SENP6: variants seen among roughly 807,000 people sequenced by gnomAD.
The protein encoded by SENP6 is sentrin-specific protease 6.
Under a neutral mutation model 134.5 loss-of-function variants are expected in SENP6, and 41 were observed. The observed-to-expected ratio is 0.30, with a 90% confidence interval of 0.24 to 0.40. SENP6 has a LOEUF of 0.40. SENP6 is among the 10% of genes least tolerant of loss of function. The pLI, the probability that SENP6 is intolerant of heterozygous loss-of-function variation, is 1.00. For missense variants in SENP6, 1,248 were observed against 1,312.5 expected (o/e 0.95, Z 0.76); for synonymous variants, 395 against 429.8 (o/e 0.92, Z 1.00).
rs1554158087 is a variant in SENP6 at position 75,617,251 on chromosome 6, ATTTC to A, written c.53-4269_53-4266del. ...AGAAGTTTCAATGATGGTTTGGAGA[ATTTC>A]TTTCTTTCTTTTTTTTTTTTTTTTT... On this transcript the variant is annotated intron_variant, in intron 1 of 23. Coordinates refer to ENST00000447266, the MANE Select transcript of SENP6 (RefSeq NM_015571.4). 3.2e-4 allele frequency among the ~76,000 whole-genome samples: 41 copies of A among 127,840 alleles called. 1 individual carries two copies. In the South Asian group the frequency reaches 9.6e-3, roughly 30 times the overall value. The allele number at this position is 127,840 out of a possible 152,430, so 83.9% of individuals were successfully genotyped here.
intron 1 of SENP6, among the ~76,000 whole-genome samples, chr6:75,603,455 GTC>G (rs1045900251): frequency 3.3e-5 from 5 of 152,128 alleles, no homozygotes; most frequent in African/African-American, 9.7e-5. Flanking sequence ...AGCAAAATGA[GTC>G]TCTGCTGCTC....
In SENP6 at chr6:75,647,612, T is replaced by C. The variant is rs910895131; in HGVS notation, c.480-119T>C. 6.2e-5 allele frequency: 33 copies of C among 530,120 alleles called. No individual in the cohort carries two copies. The East Asian group carries it at 1.0e-3, about 17-fold the overall frequency. 32.8% of individuals were successfully genotyped at this position (530,120 alleles called of 1,614,324 possible). On this transcript the variant is annotated intron_variant, in intron 6 of 23. Coordinates refer to ENST00000447266, the MANE Select transcript of SENP6 (RefSeq NM_015571.4). ...TTTGTTATTTTATAGTATCACTTTTTATATGGCAAAGAAGCTATGATTTGC... is the reference window on the plus strand; with the variant it reads ...TTTGTTATTTTATAGTATCACTTTTCATATGGCAAAGAAGCTATGATTTGC...
At chr6:75,615,294 G>A (rs971907780) in intron 1 of SENP6, among the ~76,000 whole-genome samples, 18 of 151,950 alleles carry the variant, frequency 1.2e-4, no homozygotes, top group Admixed American at 1.3e-4. Flanking sequence ...ATTCTCCTGT[G>A]TCAGCCTCCC....
Position 75,702,699 on chromosome 6 carries a change from T to C in SENP6, c.2343T>C (p.Tyr781=), listed in dbSNP as rs1231295944. The C allele has an allele frequency of 6.2e-7, 1 of 1,610,698 alleles. No homozygotes were observed. Among genetic ancestry groups the C allele is most frequent in the Admixed American group, 1.7e-5 (1 of 59,544 alleles). ...VCFPGLEKPK[Y]EPNPHYHENA... ...TCCCCGGTTTGGAAAAACCAAAGTA[T>C]GAACCTAATCCTCATTACCATGAAA... is the stretch of plus-strand genomic sequence containing the variant. Residue 781 remains tyrosine, a synonymous_variant, in exon 19 of 24, where the codon TAT becomes TAC. Coordinates refer to ENST00000447266, the MANE Select transcript of SENP6 (RefSeq NM_015571.4).
chr6:75,662,121 AT>A (rs1319561946), intron 8 of SENP6, among the ~76,000 whole-genome samples: 2 of 152,192 alleles, frequency 1.3e-5, no homozygotes, highest in African/African-American at 4.8e-5. Flanking sequence ...TCTTTAGGAT[AT>A]TTAGTAAAAA....
chr6:75,656,898 G>A (rs1340911384), intron 7 of SENP6, among the ~76,000 whole-genome samples: 1 of 151,940 alleles, frequency 6.6e-6, no homozygotes. Context: ...TCAAAGCTTT[G>A]GACATTTGTT....
At position 75,675,889 on chromosome 6, in the gene SENP6, T is replaced by C; in HGVS notation, c.1456T>C (p.Leu486=). The C allele has an allele frequency of 6.2e-7, 1 of 1,602,330 alleles. No homozygotes were observed. The highest frequency in any genetic ancestry group is 1.1e-5 in the South Asian group (1 of 88,398). The part of the protein sequence containing the change: ...EPDHDPVEII[L]NTSDLTKCEW... ...AGACCATGATCCTGTAGAGATTATA[T>C]TAAATACCTCTGATCTAACTAAATG... The change falls in exon 13 of 24, where the codon TTA becomes CTA. Residue 486 remains leucine, a synonymous_variant. Coordinates refer to ENST00000447266, the MANE Select transcript of SENP6 (RefSeq NM_015571.4).
At chr6:75,699,372 T>C (rs1582888531) in intron 18 of SENP6, among the ~76,000 whole-genome samples, 1 of 144,282 alleles carries the variant, frequency 6.9e-6, no homozygotes, top group East Asian at 2.0e-4. Flanking sequence ...TTTTTTTTTT[T>C]TTGAAGAGAC....
chr6:75,715,170 C>T (rs181722673), intron 23 of SENP6, among the ~76,000 whole-genome samples: 16 of 152,268 alleles, frequency 1.1e-4, no homozygotes, highest in Admixed American at 5.9e-4. Flanking sequence ...ATTTGGTCCA[C>T]TGGCAAACCC....
At chr6:75,654,235 C>G (rs910388607) in intron 7 of SENP6, among the ~76,000 whole-genome samples, 1 of 152,182 alleles carries the variant, frequency 6.6e-6, no homozygotes, top group Non-Finnish European at 1.5e-5. Flanking sequence ...GAGACCCTAT[C>G]TCAAAAACAA....
intron 19 of SENP6, among the ~76,000 whole-genome samples, chr6:75,703,292 A>T (rs930766832): frequency 6.6e-6 from 1 of 151,782 alleles, no homozygotes; most frequent in Non-Finnish European, 1.5e-5. Flanking sequence ...CCAATCTCCA[A>T]CAAAAAAAAA....
intron 5 of SENP6, among the ~76,000 whole-genome samples, chr6:75,636,875 AT>A (rs57572863): frequency 1.1e-3 from 154 of 143,308 alleles, no homozygotes; most frequent in Middle Eastern, 3.6e-3. Context: ...TGAAGTCTTA[AT>A]TTTTTTTTTT....
At chr6:75,634,591 T>G in intron 4 of SENP6, 116 bp from the exon 5 acceptor site, 1 of 544,840 alleles carries the variant, frequency 1.8e-6, no homozygotes. Context: ...CCATAAATTT[T>G]TTGTTGTTGT....
chr6:75,687,594 C>T (rs1192577730), intron 16 of SENP6, among the ~76,000 whole-genome samples: 1 of 152,130 alleles, frequency 6.6e-6, no homozygotes. Context: ...GTGTAGATGA[C>T]CTTTTTGTTG....
At chr6:75,663,660 C>T (rs1442761821) in intron 9 of SENP6, 142 bp downstream of exon 9, 4 of 645,812 alleles carry the variant, frequency 6.2e-6, no homozygotes, top group Non-Finnish European at 9.8e-6. Flanking sequence ...TCCTGTCCAT[C>T]TTAAATAGTT....
intron 1 of SENP6, among the ~76,000 whole-genome samples, chr6:75,607,238 G>A (rs1223188722): frequency 1.3e-5 from 2 of 152,112 alleles, no homozygotes; most frequent in East Asian, 3.9e-4. Context: ...GGGCGAGGCT[G>A]CAGTGAGCCA....
rs984659344 is a variant in SENP6, at chr6:75,705,800, T to C, written c.2716+2728T>C. Reference sequence around the variant, plus strand: ...ATCTTATTTGGATGAAAAATATTGGTATAGGACATAGAATAAATTATGTGA... The same window carrying C: ...ATCTTATTTGGATGAAAAATATTGGCATAGGACATAGAATAAATTATGTGA... On this transcript the variant is annotated intron_variant, in intron 19 of 23. Transcript: ENST00000447266. Among the ~76,000 whole-genome samples the C allele has an allele frequency of 3.3e-5, 5 of 151,770 alleles. No individual in the cohort carries two copies. In the East Asian group the frequency reaches 9.6e-4, roughly 29 times the overall value.
rs754136700 is a variant in SENP6, at chr6:75,715,468, C to A, written c.3213C>A (p.Ile1071=). The A allele has an allele frequency of 1.2e-6, 2 of 1,613,308 alleles. No homozygotes were observed. The highest frequency in any genetic ancestry group is 1.3e-5 in the African/African-American group (1 of 74,936). The part of the protein sequence containing the change: ...PPRMRTKREE[I]RNIILKLQED... Reference sequence around the variant, plus strand: ...GAATGAGAACAAAAAGAGAAGAAATCCGAAACATAATTCTGAAGCTACAGG... The same window carrying A: ...GAATGAGAACAAAAAGAGAAGAAATACGAAACATAATTCTGAAGCTACAGG... The change falls in exon 24 of 24, where the codon ATC becomes ATA. Residue 1071 remains isoleucine (I), a synonymous_variant. Transcript: ENST00000447266.
Position 75,654,261 on chromosome 6 carries a change from A to ATTCC in SENP6, c.551-5001_551-5000insTTCC, listed in dbSNP as rs1288354253. Reference sequence around the variant, plus strand: ...TCAAAAACAAAGCAAAACATAAGTAAAGCTGAGTTTTGAATCACTGGAATT... The same window carrying ATTCC: ...TCAAAAACAAAGCAAAACATAAGTAATTCCAGCTGAGTTTTGAATCACTGGAATT... On this transcript the variant is annotated intron_variant, in intron 7 of 23. Coordinates refer to ENST00000447266, the MANE Select transcript of SENP6 (RefSeq NM_015571.4). Among the ~76,000 whole-genome samples the ATTCC allele has an allele frequency of 3.3e-5, 5 of 152,206 alleles. No individual in the cohort carries two copies. The East Asian group carries it at 9.6e-4, about 29-fold the overall frequency.
Sources: gnomAD v4.1 joint callset for allele counts (sites outside exome capture counted in the v4.1 genomes callset) on GRCh38, gnomAD v4.1.1 for gene constraint, MANE v1.5 for transcripts, NCBI Gene and HGNC (gene_info 2026-07-23, HGNC 2026-07-21) for gene names.